Variants in CNTNAP2 observed in about 807,000 individuals in gnomAD.
CNTNAP2 encodes the protein contactin-associated protein-like 2.
CNTNAP2 carries 98 observed loss-of-function variants against 155.2 expected under a neutral mutation model. That is an observed-to-expected ratio of 0.63 (90% confidence interval 0.54 to 0.75). The LOEUF is 0.75. CNTNAP2 is among the 30% of genes least tolerant of loss of function. CNTNAP2 has a pLI of 0.00. For missense variants in CNTNAP2, 1,727 were observed against 1,688.1 expected, an observed-to-expected ratio of 1.02 and a Z score of -0.40; for synonymous variants, 651 against 631.2, an observed-to-expected ratio of 1.03 and a Z score of -0.47.
intron 15 of CNTNAP2, among the ~76,000 whole-genome samples, chr7:148,085,122 T>C (rs1247460479): frequency 2.0e-5 from 3 of 152,214 alleles, no homozygotes; most frequent in Non-Finnish European, 2.9e-5. Flanking sequence ...CATTACTAAA[T>C]GTAATATCTA....
At chr7:146,163,573 C>CTATCTA (rs1554398451) in intron 1 of CNTNAP2, among the ~76,000 whole-genome samples, 5 of 96,036 alleles carry the variant, frequency 5.2e-5, no homozygotes, top group African/African-American at 2.3e-4. Flanking sequence ...CTATCTATAT[C>CTATCTA]TATCTATCTA....
intron 12 of CNTNAP2, among the ~76,000 whole-genome samples, chr7:147,621,729 A>C (rs1794860548): frequency 1.3e-5 from 2 of 151,962 alleles, no homozygotes; most frequent in African/African-American, 4.8e-5. Context: ...GAGAAGACAA[A>C]AAAACAACCA....
chr7:148,164,529 G>A (rs1235844292), intron 17 of CNTNAP2, among the ~76,000 whole-genome samples: 2 of 150,894 alleles, frequency 1.3e-5, no homozygotes, highest in East Asian at 3.9e-4. Context: ...CTAATTCACA[G>A]CTCTCCAGTC....
intron 11 of CNTNAP2, among the ~76,000 whole-genome samples, chr7:147,534,795 T>C (rs1417411303): frequency 6.6e-6 from 1 of 152,190 alleles, no homozygotes; most frequent in Non-Finnish European, 1.5e-5. Flanking sequence ...AGCATTTCTA[T>C]CCACTCGTTG....
intron 15 of CNTNAP2, among the ~76,000 whole-genome samples, chr7:148,030,302 ATATTG>A (rs1260684680): frequency 1.3e-5 from 2 of 152,218 alleles, no homozygotes; most frequent in African/African-American, 4.8e-5. Flanking sequence ...ATCGTTGTGC[ATATTG>A]TATTGTTGCA....
intron 1 of CNTNAP2, among the ~76,000 whole-genome samples, chr7:146,736,033 T>A (rs78105723): frequency 2.1e-3 from 316 of 152,306 alleles, no homozygotes; most frequent in African/African-American, 7.1e-3. Context: ...ATGTGTACAA[T>A]TATTATAGGT....
chr7:147,621,393 T>C (rs1794848787), intron 12 of CNTNAP2, among the ~76,000 whole-genome samples: 1 of 151,940 alleles, frequency 6.6e-6, no homozygotes, highest in South Asian at 2.1e-4. Flanking sequence ...AAAGACTAAA[T>C]GATGAACCAA....
intron 3 of CNTNAP2, among the ~76,000 whole-genome samples, chr7:147,026,386 T>A (rs565692193): frequency 3.3e-5 from 5 of 152,260 alleles, no homozygotes; most frequent in Admixed American, 2.6e-4. Flanking sequence ...CTTTTTAGAC[T>A]AACAAAATAT....
chr7:146,319,424 A>G (rs921523430), intron 1 of CNTNAP2, among the ~76,000 whole-genome samples: 1 of 152,204 alleles, frequency 6.6e-6, no homozygotes, highest in Non-Finnish European at 1.5e-5. Flanking sequence ...GCTTGAATCT[A>G]TGTGTCTGGA....
intron 21 of CNTNAP2, among the ~76,000 whole-genome samples, chr7:148,315,784 A>G (rs1426886565): frequency 6.6e-6 from 1 of 152,172 alleles, no homozygotes; most frequent in Admixed American, 6.5e-5. Flanking sequence ...GTTTTCATAA[A>G]TGTGCTTGGG....
chr7:147,577,456 A>G (rs1350583180), intron 12 of CNTNAP2, among the ~76,000 whole-genome samples: 1 of 151,930 alleles, frequency 6.6e-6, no homozygotes. Context: ...TATGGAAGCA[A>G]TATTTTCAGA....
chr7:146,183,606 A>AAAT (rs55823511), intron 1 of CNTNAP2, among the ~76,000 whole-genome samples: 41,944 of 143,240 alleles, frequency 0.29, 6,146 homozygotes, highest in Admixed American at 0.34. Context: ...ATCACCACAC[A>AAAT]AATAATAATA....
In CNTNAP2 at chr7:147,658,059, A is replaced by ATCC. The variant is rs1441779802; in HGVS notation, c.2098+18754_2098+18756dup. On this transcript the variant is annotated intron_variant, in intron 13 of 23. Transcript: ENST00000361727. ...ATCACGAGGTCAGGAGATCGAGACCATCCCGGCAAAAATGGTGAAACCCCG... is the reference window on the plus strand; with the variant it reads ...ATCACGAGGTCAGGAGATCGAGACCATCCTCCCGGCAAAAATGGTGAAACCCCG... Among the ~76,000 whole-genome samples, 6 of 146,968 alleles carry ATCC rather than the reference A, an allele frequency of 4.1e-5. 1 individual carries two copies. Among genetic ancestry groups the ATCC allele is most frequent in the Non-Finnish European group, 7.6e-5 (5 of 66,102 alleles).
At chr7:147,467,781 A>G (rs1798145982) in intron 10 of CNTNAP2, among the ~76,000 whole-genome samples, 1 of 152,184 alleles carries the variant, frequency 6.6e-6, no homozygotes, top group Non-Finnish European at 1.5e-5. Context: ...CTGTTACCCA[A>G]TACTCTGGGA....
At position 147,003,230 on chromosome 7, in the gene CNTNAP2, T is replaced by C. The variant is rs182570498; in HGVS notation, c.403-40677T>C. Among the ~76,000 whole-genome samples the C allele has an allele frequency of 6.6e-5, 10 of 152,142 alleles. 1 individual carries two copies. In the East Asian group the frequency reaches 1.9e-3, roughly 30 times the overall value. On this transcript the variant is annotated intron_variant, in intron 3 of 23. Coordinates refer to ENST00000361727, the MANE Select transcript of CNTNAP2 (RefSeq NM_014141.6). ...ATGACTAGAGCAGAATCAATTCCGA[T>C]AGAACTGAGTTCTCCATGTAGGATT...
At chr7:146,949,782 G>A (rs951539112) in intron 3 of CNTNAP2, among the ~76,000 whole-genome samples, 12 of 152,140 alleles carry the variant, frequency 7.9e-5, no homozygotes, top group African/African-American at 2.4e-4. Flanking sequence ...TTACAGACCT[G>A]ATCCAGGACT....
intron 10 of CNTNAP2, among the ~76,000 whole-genome samples, chr7:147,471,902 G>A (rs1377127311): frequency 6.6e-6 from 1 of 152,174 alleles, no homozygotes; most frequent in Non-Finnish European, 1.5e-5. Flanking sequence ...AGATTGGGAA[G>A]ACAGAGGAGA....
chr7:146,872,629 G>A (rs1267676494), intron 3 of CNTNAP2, among the ~76,000 whole-genome samples: 2 of 152,268 alleles, frequency 1.3e-5, no homozygotes, highest in East Asian at 3.9e-4. Flanking sequence ...ATTGGATAGT[G>A]CATGCTTAGC....
At chr7:147,038,953 T>C (rs1799209924) in intron 3 of CNTNAP2, among the ~76,000 whole-genome samples, 2 of 152,134 alleles carry the variant, frequency 1.3e-5, no homozygotes, top group Admixed American at 1.3e-4. Flanking sequence ...ATTCTGTCCT[T>C]GACCTCTCCA....
Sources: gnomAD v4.1 joint callset for allele counts (sites outside exome capture counted in the v4.1 genomes callset) on GRCh38, gnomAD v4.1.1 for gene constraint, MANE v1.5 for transcripts, NCBI Gene and HGNC (gene_info 2026-07-23, HGNC 2026-07-21) for gene names.